Variants in CHN2 observed in about 807,000 individuals in gnomAD.
CHN2 encodes the protein chimerin 2.
Under a neutral mutation model 56.3 loss-of-function variants are expected in CHN2, and 35 were observed. That is an observed-to-expected ratio of 0.62 (90% CI 0.47 to 0.82). The LOEUF is 0.82. CHN2 is among the 40% of genes least tolerant of loss of function. The probability of loss-of-function intolerance (pLI) is 0.00; values close to 1 mark genes in which losing one functional copy is unlikely to be tolerated. For missense variants in CHN2, 491 were observed against 580.5 expected (o/e 0.85, Z 1.58); for synonymous variants, 210 against 212.8 (o/e 0.99, Z 0.12).
At chr7:29,298,204 T>C (rs995548813) in intron 1 of CHN2, among the ~76,000 whole-genome samples, 1 of 152,214 alleles carries the variant, frequency 6.6e-6, no homozygotes, top group Non-Finnish European at 1.5e-5. Flanking sequence ...CCATAGATAG[T>C]AGCACCACCC....
At chr7:29,277,605 G>A (rs1791339566) in intron 1 of CHN2, among the ~76,000 whole-genome samples, 1 of 152,210 alleles carries the variant, frequency 6.6e-6, no homozygotes, top group Admixed American at 6.5e-5. Context: ...GGAGAAGTGG[G>A]CAGAGTTTAG....
At position 29,284,350 on chromosome 7, in the gene CHN2, C is replaced by T. The variant is rs185080911; in HGVS notation, c.50-70275C>T. On this transcript the variant is annotated intron_variant, in intron 1 of 12. Transcript: ENST00000222792. Reference sequence around the variant, plus strand: ...CCTCAGGTGATCTGCCTGCCTCGACCTCCCAAAGTGCTGGGATTACAGGCA... The same window carrying T: ...CCTCAGGTGATCTGCCTGCCTCGACTTCCCAAAGTGCTGGGATTACAGGCA... Among the ~76,000 whole-genome samples the T allele has an allele frequency of 9.2e-4, 140 of 152,344 alleles. 2 individuals are homozygous for T. Among genetic ancestry groups the T allele is most frequent in the Middle Eastern group, 3.4e-3 (1 of 294 alleles).
At chr7:29,498,343 C>A (rs150898166) in intron 8 of CHN2, among the ~76,000 whole-genome samples, 1 of 152,136 alleles carries the variant, frequency 6.6e-6, no homozygotes, top group Non-Finnish European at 1.5e-5. Flanking sequence ...CTCTATTTAG[C>A]GCAGTTAGCC....
Position 29,433,861 on chromosome 7 carries a change from G to A in CHN2, c.576+33033G>A, listed in dbSNP as rs1261937390. ...CTAAACAAAAAAAAAAAGGAAGGAAGGGAGAGGGGGAGGAAGGGAGGAAGG... is the reference window on the plus strand; with the variant it reads ...CTAAACAAAAAAAAAAAGGAAGGAAAGGAGAGGGGGAGGAAGGGAGGAAGG... On this transcript the variant is annotated intron_variant, in intron 6 of 12. Transcript: ENST00000222792. 3.4e-5 allele frequency among the ~76,000 whole-genome samples: 5 copies of A among 147,658 alleles called. No homozygotes were observed. The East Asian group carries it at 7.9e-4, about 23-fold the overall frequency.
chr7:29,276,542 C>A (rs1010378195), intron 1 of CHN2, among the ~76,000 whole-genome samples: 23 of 152,272 alleles, frequency 1.5e-4, no homozygotes, highest in African/African-American at 5.5e-4. Context: ...CTCAGTTCCG[C>A]CACTTAAAAA....
Position 29,495,952 on chromosome 7 carries a change from G to T in CHN2, c.655G>T (p.Val219Phe), listed in dbSNP as rs771612000. 1 of 1,612,812 alleles carries T rather than the reference G, an allele frequency of 6.2e-7. No homozygotes were observed. Among genetic ancestry groups the T allele is most frequent in the South Asian group, 1.1e-5 (1 of 90,770 alleles). ...FNYEKTHNFK[V>F]HTFRGPHWCE... ...CATTTTTCTTCTTTTTGGATCACAG[G>T]TCCACACGTTCCGAGGCCCACACTG... The change falls in exon 8 of 13, where the codon GTC (valine) becomes TTC (phenylalanine). Residue 219 changes from valine (V) to phenylalanine (F), a missense_variant and splice_region_variant. Transcript: ENST00000222792.
At chr7:29,242,078 A>G (rs1282219731) in intron 1 of CHN2, among the ~76,000 whole-genome samples, 3 of 152,192 alleles carry the variant, frequency 2.0e-5, no homozygotes, top group Non-Finnish European at 4.4e-5. Context: ...TGTAGAACTC[A>G]TTTAATTCTC....
chr7:29,148,260 G>T (rs1793051978), intron 2 of CHN2, among the ~76,000 whole-genome samples: 1 of 152,150 alleles, frequency 6.6e-6, no homozygotes, highest in African/African-American at 2.4e-5. Flanking sequence ...ACTGGCCAAA[G>T]AATACCTGTG....
At chr7:29,230,726 A>G (rs1184974456) in intron 1 of CHN2, among the ~76,000 whole-genome samples, 1 of 152,216 alleles carries the variant, frequency 6.6e-6, no homozygotes, top group Non-Finnish European at 1.5e-5. Flanking sequence ...ATATTTAAAG[A>G]TGATCAAATG....
intron 6 of CHN2, among the ~76,000 whole-genome samples, chr7:29,418,296 G>A (rs2128103656): frequency 6.6e-6 from 1 of 152,398 alleles, no homozygotes; most frequent in South Asian, 2.1e-4. Context: ...AGCAGGAACA[G>A]AAGCTGCGGA....
At chr7:29,349,046 A>G (rs917470879) in intron 1 of CHN2, among the ~76,000 whole-genome samples, 2 of 152,234 alleles carry the variant, frequency 1.3e-5, no homozygotes, top group Non-Finnish European at 2.9e-5. Context: ...GTAGTTTCTT[A>G]TCATTAAATG....
At position 29,262,998 on chromosome 7, in the gene CHN2, A is replaced by ATCCCTTC. The variant is rs1308975548; in HGVS notation, c.49+68013_49+68019dup. ...TATTTTACCACAATTTAAAATAAGAATCCCTTCTCCCCTCTCCCCTCTCCC... is the reference window on the plus strand; with the variant it reads ...TATTTTACCACAATTTAAAATAAGAATCCCTTCTCCCTTCTCCCCTCTCCCCTCTCCC... On this transcript the variant is annotated intron_variant, in intron 1 of 12. Coordinates refer to ENST00000222792, the MANE Select transcript of CHN2 (RefSeq NM_004067.4). 9.3e-4 allele frequency among the ~76,000 whole-genome samples: 141 copies of ATCCCTTC among 152,260 alleles called. 1 individual carries two copies. The highest frequency in any genetic ancestry group is 3.2e-3 in the African/African-American group (133 of 41,554).
chr7:29,336,221 C>G (rs1397445823), intron 1 of CHN2: 2 of 152,164 alleles, frequency 1.3e-5, no homozygotes, highest in Admixed American at 1.3e-4. Flanking sequence ...GATTGCCTGA[C>G]CCTCCAGTAT....
intron 1 of CHN2, among the ~76,000 whole-genome samples, chr7:29,233,839 T>TA (rs1322299392): frequency 3.0e-5 from 3 of 101,060 alleles, no homozygotes; most frequent in African/African-American, 1.1e-4. Context: ...TTTTTTTTTT[T>TA]TTTTTTTTTT....
chr7:29,490,827 T>C (rs1314952656), intron 7 of CHN2, among the ~76,000 whole-genome samples: 1 of 152,210 alleles, frequency 6.6e-6, no homozygotes, highest in Non-Finnish European at 1.5e-5. Flanking sequence ...TTTTTGTATA[T>C]GTTGAAGCTT....
At chr7:29,149,083 A>C (rs1349008839) in intron 2 of CHN2, among the ~76,000 whole-genome samples, 5 of 152,050 alleles carry the variant, frequency 3.3e-5, no homozygotes, top group African/African-American at 9.7e-5. Flanking sequence ...GGGTTAACTA[A>C]TACTGAGGTT....
rs942137208 is a variant in CHN2, at chr7:29,514,237, GTTTTA to G, written c.*1507_*1511del. The G allele has an allele frequency of 6.5e-6, 1 of 152,744 alleles. No homozygotes were observed. Among genetic ancestry groups the G allele is most frequent in the African/African-American group, 2.4e-5 (1 of 41,570 alleles). 9.5% of individuals were successfully genotyped at this position (152,744 alleles called of 1,614,324 possible). On this transcript the variant is annotated 3_prime_UTR_variant, in exon 13 of 13. Transcript: ENST00000222792. ...ACTGTCAAAAAATTATCTGGAAATG[GTTTTA>G]TTTTGTGAAGTGAACAATACTTTGT...
intron 1 of CHN2, among the ~76,000 whole-genome samples, chr7:29,334,114 C>T (rs1455177286): frequency 2.1e-5 from 3 of 144,948 alleles, no homozygotes; most frequent in Non-Finnish European, 4.5e-5. Flanking sequence ...TGCAGTGGCG[C>T]GATCTCGGCT....
At chr7:29,314,178 G>T (rs968347133) in intron 1 of CHN2, among the ~76,000 whole-genome samples, 15 of 152,148 alleles carry the variant, frequency 9.9e-5, no homozygotes, top group Non-Finnish European at 1.6e-4. Context: ...AACAAAATAT[G>T]GATTCTACAT....
Sources: allele counts gnomAD v4.1 joint callset (sites outside exome capture counted in the v4.1 genomes callset), GRCh38; gene constraint gnomAD v4.1.1; transcripts MANE v1.5; gene names NCBI Gene and HGNC (gene_info 2026-07-23, HGNC 2026-07-21).